PARN: variants seen among roughly 807,000 people sequenced by gnomAD.
PARN encodes the protein poly(A)-specific ribonuclease PARN.
PARN carries 71 observed loss-of-function variants against 102.8 expected under a neutral mutation model. The ratio of observed to expected loss-of-function variants is 0.69; its 90% CI spans 0.57 to 0.84. PARN has a LOEUF of 0.84. PARN is among the 40% of genes least tolerant of loss of function. PARN has a pLI of 0.00. For missense variants in PARN, 782 were observed against 760.9 expected, an observed-to-expected ratio of 1.03 and a Z score of -0.33; for synonymous variants, 261 against 252.9, an observed-to-expected ratio of 1.03 and a Z score of -0.30.
At chr16:14,471,984 CTT>C (rs982952574) in intron 22 of PARN, among the ~76,000 whole-genome samples, 7 of 152,172 alleles carry the variant, frequency 4.6e-5, no homozygotes, top group Admixed American at 4.6e-4. Context: ...GTCCACATCT[CTT>C]TATGTGATGC....
intron 18 of PARN, among the ~76,000 whole-genome samples, chr16:14,562,737 A>C (rs1373714060): frequency 6.6e-6 from 1 of 152,214 alleles, no homozygotes; most frequent in East Asian, 1.9e-4. Context: ...CCACAAATTA[A>C]GCTTTAGCCA....
In PARN at chr16:14,482,677, A is replaced by G; in HGVS notation, c.1631T>C (p.Ile544Thr). 2 of 1,613,658 alleles carry G rather than the reference A, an allele frequency of 1.2e-6. No homozygotes were observed. The highest frequency in any genetic ancestry group is 3.3e-4 in the Middle Eastern group (2 of 6,060). The change falls in exon 22 of 24, where the codon ATA becomes ACA. Residue 544 changes from isoleucine (I) to threonine (T), a missense_variant. By Grantham distance (89) the Ile-to-Thr change is moderately conservative. Coordinates refer to ENST00000437198, the MANE Select transcript of PARN (RefSeq NM_002582.4). ...ADSKRLNPQC[I>T]PYTLQNHYYR... is the part of the protein sequence containing the mutation. ...ATAGTGATTCTGCAGGGTGTAGGGT[A>G]TGCACTGGGGGTTTAACCGTTTGCT... is the stretch of plus-strand genomic sequence containing the variant.
chr16:14,566,947 A>T (rs1005607602), intron 18 of PARN, among the ~76,000 whole-genome samples: 3 of 152,248 alleles, frequency 2.0e-5, no homozygotes, highest in African/African-American at 7.2e-5. Context: ...GGCAGTATCA[A>T]CTTGAGGCAA....
chr16:14,606,419 AG>A, intron 10 of PARN, 64 bp downstream of exon 10: 8 of 878,832 alleles, frequency 9.1e-6, no homozygotes, highest in Admixed American at 3.1e-5. Context: ...GAAAAAAAAA[AG>A]AAACCCCTAA....
At chr16:14,618,018 A>AT (rs1319298016) in intron 5 of PARN, among the ~76,000 whole-genome samples, 1 of 151,942 alleles carries the variant, frequency 6.6e-6, no homozygotes, top group Non-Finnish European at 1.5e-5. Flanking sequence ...ACTTCATAAT[A>AT]TTTTTTAAAA....
At chr16:14,457,706 G>C (rs1373089290) in intron 22 of PARN, among the ~76,000 whole-genome samples, 1 of 147,320 alleles carries the variant, frequency 6.8e-6, no homozygotes, top group African/African-American at 2.5e-5. Flanking sequence ...GCTGAGGCAG[G>C]AGAACTGCTC....
Position 14,580,835 on chromosome 16 carries a change from G to A in PARN, c.1262+39C>T, listed in dbSNP as rs752749741. Reference sequence around the variant, plus strand: ...TCCCAAGATATGAGGCTGTTCCACAGTGAGAGAACTTGGAAACTGGAACTC... The same window carrying A: ...TCCCAAGATATGAGGCTGTTCCACAATGAGAGAACTTGGAAACTGGAACTC... On this transcript the variant is annotated intron_variant, in intron 18 of 23. Transcript: ENST00000437198. 4.9e-6 allele frequency: 6 copies of A among 1,236,230 alleles called. No homozygotes were observed. In the African/African-American group the frequency reaches 5.9e-5, roughly 12 times the overall value. 76.6% of individuals were successfully genotyped at this position (1,236,230 alleles called of 1,614,324 possible).
intron 18 of PARN, among the ~76,000 whole-genome samples, chr16:14,573,081 C>T (rs1281610701): frequency 6.6e-6 from 1 of 151,918 alleles, no homozygotes; most frequent in East Asian, 1.9e-4. Flanking sequence ...TGGAGTCTCG[C>T]TATGTTCCCC....
chr16:14,621,636 C>T (rs1340705809), intron 5 of PARN, among the ~76,000 whole-genome samples: 2 of 151,682 alleles, frequency 1.3e-5, no homozygotes, highest in Non-Finnish European at 2.9e-5. Context: ...ACGGTGAAAA[C>T]CCTGTCTCTA....
At position 14,554,164 on chromosome 16, in the gene PARN, T is replaced by C. The variant is rs757277112; in HGVS notation, c.1319-13A>G. On this transcript the variant is annotated splice_polypyrimidine_tract_variant and intron_variant, in intron 19 of 23. Coordinates refer to ENST00000437198, the MANE Select transcript of PARN (RefSeq NM_002582.4). ...CGTTTAGGCTGCACTACAAGACAAA[T>C]TTATGATGAAATATTGATGGGTGAA... The C allele has an allele frequency of 3.2e-6, 5 of 1,575,140 alleles. No individual in the cohort carries two copies. The highest frequency in any genetic ancestry group is 4.4e-6 in the Non-Finnish European group (5 of 1,148,620).
intron 21 of PARN, among the ~76,000 whole-genome samples, chr16:14,488,409 T>A (rs981600190): frequency 6.6e-6 from 1 of 152,194 alleles, no homozygotes; most frequent in Non-Finnish European, 1.5e-5. Flanking sequence ...TATTAAAGCC[T>A]TTGTCCATCA....
chr16:14,451,117 G>A (rs1961424909), intron 22 of PARN, among the ~76,000 whole-genome samples: 1 of 152,142 alleles, frequency 6.6e-6, no homozygotes, highest in Non-Finnish European at 1.5e-5. Flanking sequence ...TTTACCTAAT[G>A]AAGTTCATCG....
chr16:14,593,311 G>A lies in PARN; in HGVS notation c.908C>T (p.Pro303Leu), dbSNP rs1211898404. Residue 303 changes from proline to leucine, a missense_variant, in exon 13 of 24, where the codon CCT becomes CTT. Pro to Leu is a moderately conservative substitution (Grantham distance 98). Transcript: ENST00000437198. Reference sequence around the variant, plus strand: ...CAACAGGTCACTTACCGCAGGCAGAGGGCAGTAGAACTGATGAACTGTGTG... The same window carrying A: ...CAACAGGTCACTTACCGCAGGCAGAAGGCAGTAGAACTGATGAACTGTGTG... ...VMHTVHQFYC[P>L]LPADLSEFKE... is the part of the protein sequence containing the mutation. 3.2e-6 allele frequency: 5 copies of A among 1,575,074 alleles called. No homozygotes were observed. Among genetic ancestry groups the A allele is most frequent in the East Asian group, 4.5e-5 (2 of 44,700 alleles).
intron 21 of PARN, among the ~76,000 whole-genome samples, chr16:14,505,313 T>C (rs1054805120): frequency 8.5e-5 from 13 of 152,208 alleles, no homozygotes; most frequent in African/African-American, 2.2e-4. Context: ...TTCGGCAACA[T>C]AGGCTAGATT....
intron 21 of PARN, chr16:14,501,460 A>AAAAAAAAAAAAAAAAAAAAAAAAAAC (rs71150191): frequency 7.3e-6 from 1 of 137,600 alleles, no homozygotes; most frequent in Non-Finnish European, 1.6e-5. Flanking sequence ...AAAAAAAAAA[A>AAAAAAAAAAAAAAAAAAAAAAAAAAC]CAGAAAGAAA....
chr16:14,513,974 T>A (rs916675217), intron 21 of PARN, among the ~76,000 whole-genome samples: 1 of 152,150 alleles, frequency 6.6e-6, no homozygotes, highest in African/African-American at 2.4e-5. Flanking sequence ...CCGGCACACA[T>A]GCATTAATTC....
intron 6 of PARN, among the ~76,000 whole-genome samples, chr16:14,612,258 G>A (rs1257569251): frequency 6.6e-6 from 1 of 152,016 alleles, no homozygotes; most frequent in Non-Finnish European, 1.5e-5. Context: ...CCAACATGGT[G>A]AAACCCCGTC....
At position 14,521,095 on chromosome 16, in the gene PARN, T is replaced by C. The variant is rs564543355; in HGVS notation, c.1480+30926A>G. Among the ~76,000 whole-genome samples, 840 of 152,358 alleles carry C rather than the reference T, an allele frequency of 5.5e-3. 6 individuals carry two copies. Among genetic ancestry groups the C allele is most frequent in the Non-Finnish European group, 7.1e-3 (485 of 68,034 alleles). The stretch of plus-strand genomic sequence containing the variant: ...GCTTCAGTAAGGTAAAAGATTTTTA[T>C]CAGAACATCATTTTCACTTTCACTG... On this transcript the variant is annotated intron_variant, in intron 21 of 23. Transcript: ENST00000437198.
chr16:14,517,915 C>T (rs1441085998), intron 21 of PARN, among the ~76,000 whole-genome samples: 1 of 152,066 alleles, frequency 6.6e-6, no homozygotes, highest in Non-Finnish European at 1.5e-5. Flanking sequence ...AAGTGATCCA[C>T]TTCGGCCTCC....
Sources: allele counts gnomAD v4.1 joint callset (sites outside exome capture counted in the v4.1 genomes callset), GRCh38; gene constraint gnomAD v4.1.1; transcripts MANE v1.5; gene names NCBI Gene and HGNC (gene_info 2026-07-23, HGNC 2026-07-21).